NKD1: variants seen among roughly 807,000 people sequenced by gnomAD.
NKD1 encodes the protein NKD inhibitor of Wnt signaling pathway 1.
NKD1 carries 21 observed loss-of-function variants against 56.0 expected under a neutral mutation model. The ratio of observed to expected loss-of-function variants is 0.38; its 90% CI spans 0.27 to 0.54. The LOEUF (loss-of-function observed/expected upper bound fraction) is 0.54, where lower values mean the gene tolerates loss of function less well. Among genes scored for constraint, NKD1 ranks in the 20% least tolerant of loss-of-function variants. The pLI, the probability that NKD1 is intolerant of heterozygous loss-of-function variation, is 0.82. For missense variants in NKD1, 578 were observed against 642.7 expected (o/e 0.90, Z 1.09); for synonymous variants, 263 against 265.7 (o/e 0.99, Z 0.10).
intron 3 of NKD1, chr16:50,606,579 G>A (rs767716323): frequency 2.3e-5 from 8 of 350,318 alleles, no homozygotes; most frequent in Non-Finnish European, 4.6e-5. Flanking sequence ...GAGCACATGC[G>A]GTCATTGTCA....
At position 50,620,081 on chromosome 16, in the gene NKD1, G is replaced by A. The variant is rs192049960; in HGVS notation, c.260-1521G>A. On this transcript the variant is annotated intron_variant, in intron 4 of 9. Coordinates refer to ENST00000268459, the MANE Select transcript of NKD1 (RefSeq NM_033119.5). ...GGTAATCGTAATAACTGCCTCACAG[G>A]GCTTCATGAGGATGGACTTGGTAAA... 2.6e-3 allele frequency among the ~76,000 whole-genome samples: 400 copies of A among 152,374 alleles called. 3 individuals carry two copies. Among genetic ancestry groups the A allele is most frequent in the South Asian group, 6.0e-3 (29 of 4,834 alleles).
intron 3 of NKD1, among the ~76,000 whole-genome samples, chr16:50,584,953 C>T (rs998074290): frequency 1.3e-5 from 2 of 152,194 alleles, no homozygotes; most frequent in African/African-American, 4.8e-5. Flanking sequence ...AGATGTGGGC[C>T]TGGCTGCACG....
chr16:50,632,413 G>T lies in NKD1; in HGVS notation c.823+5G>T. 4 of 1,614,150 alleles carry T rather than the reference G, an allele frequency of 2.5e-6. No individual in the cohort carries two copies. The highest frequency in any genetic ancestry group is 3.4e-6 in the Non-Finnish European group (4 of 1,179,988). ...ACACGTCCCAATTTGGGCCTGGTAA[G>T]GGACTCAAGCACCCTGCAATGGGCG... On this transcript the variant is annotated splice_donor_5th_base_variant and intron_variant, in intron 9 of 9. Coordinates refer to ENST00000268459, the MANE Select transcript of NKD1 (RefSeq NM_033119.5). This position sits in a 1 kb window ranked among gnomAD's most constrained non-coding sequence, Gnocchi z 4.1.
intron 3 of NKD1, among the ~76,000 whole-genome samples, chr16:50,569,984 A>C (rs1337023244): frequency 6.6e-6 from 1 of 152,204 alleles, no homozygotes; most frequent in Non-Finnish European, 1.5e-5. Context: ...GTCGTGATGC[A>C]GCCACTGAAC....
chr16:50,645,201 T>C lies in NKD1; in HGVS notation c.*11420T>C, dbSNP rs1478979450. Reference sequence around the variant, plus strand: ...TCTACCTACCTTTGTGGAGCTTTAATCTAGTGTGGGGGACGGGGGGACTGC... The same window carrying C: ...TCTACCTACCTTTGTGGAGCTTTAACCTAGTGTGGGGGACGGGGGGACTGC... On this transcript the variant is annotated 3_prime_UTR_variant, in exon 10 of 10. Coordinates refer to ENST00000268459, the MANE Select transcript of NKD1 (RefSeq NM_033119.5). 6.6e-6 allele frequency: 1 copy of C among 152,234 alleles called. No homozygotes were observed. The highest frequency in any genetic ancestry group is 2.4e-5 in the African/African-American group (1 of 41,420). The allele number at this position is 152,234 out of a possible 1,614,324, so 9.4% of individuals were successfully genotyped here. A position where few individuals can be genotyped will look rare whatever the true frequency, so the allele number is the denominator to read the frequency against.
rs1180389762 is a variant in NKD1, at chr16:50,649,051, A to G, written c.*15270A>G. The G allele has an allele frequency of 6.6e-6, 1 of 152,186 alleles. No homozygotes were observed. The highest frequency in any genetic ancestry group is 1.9e-4 in the East Asian group (1 of 5,192). The allele number at this position is 152,186 out of a possible 1,614,324, so 9.4% of individuals were successfully genotyped here. The stretch of plus-strand genomic sequence containing the variant: ...CACTTTCACTTGCAGTCAAACCTGA[A>G]TTGTAAGTGAAATTGCTTTCCTGAT... On this transcript the variant is annotated 3_prime_UTR_variant, in exon 10 of 10. Transcript: ENST00000268459.
chr16:50,632,595 C>T lies in NKD1; in HGVS notation c.823+187C>T, dbSNP rs1466612149. The stretch of plus-strand genomic sequence containing the variant: ...TTTCAAAATTAAAGTAATACATGCA[C>T]GAAATCGAACAAAATCCAATAGTAT... On this transcript the variant is annotated intron_variant, in intron 9 of 9. Coordinates refer to ENST00000268459, the MANE Select transcript of NKD1 (RefSeq NM_033119.5). The surrounding 1 kb of genome is among the most constrained non-coding windows in gnomAD (Gnocchi z 4.1). Among the ~76,000 whole-genome samples the T allele has an allele frequency of 1.3e-5, 2 of 152,198 alleles. No individual in the cohort carries two copies. Among genetic ancestry groups the T allele is most frequent in the East Asian group, 1.9e-4 (1 of 5,196 alleles).
intron 8 of NKD1, among the ~76,000 whole-genome samples, chr16:50,631,287 T>C (rs1351053233): frequency 6.6e-6 from 1 of 152,176 alleles, no homozygotes. Context: ...CCACGTGGGT[T>C]ATGAAAACTC....
In NKD1 at chr16:50,646,036, T is replaced by C. The variant is rs1223351372; in HGVS notation, c.*12255T>C. 2 of 150,916 alleles carry C rather than the reference T, an allele frequency of 1.3e-5. No homozygotes were observed. Among genetic ancestry groups the C allele is most frequent in the Non-Finnish European group, 2.9e-5 (2 of 67,870 alleles). 9.3% of individuals were successfully genotyped at this position (150,916 alleles called of 1,614,324 possible). A position where few individuals can be genotyped will look rare whatever the true frequency, so the allele number is the denominator to read the frequency against. ...CCTATGTTCCCACTTTGTGCTTTGCTTCTAACAGACAGCCTGGGACCTTTG... is the reference window on the plus strand; with the variant it reads ...CCTATGTTCCCACTTTGTGCTTTGCCTCTAACAGACAGCCTGGGACCTTTG... On this transcript the variant is annotated 3_prime_UTR_variant, in exon 10 of 10. Transcript: ENST00000268459.
chr16:50,617,222 ACAGT>A (rs984200261), intron 4 of NKD1, among the ~76,000 whole-genome samples: 1 of 152,110 alleles, frequency 6.6e-6, no homozygotes, highest in African/African-American at 2.4e-5. Context: ...GTCTAGACCC[ACAGT>A]CAAAGTTGTC....
intron 3 of NKD1, among the ~76,000 whole-genome samples, chr16:50,588,637 C>G (rs1317199308): frequency 8.3e-6 from 1 of 120,402 alleles, no homozygotes; most frequent in Non-Finnish European, 1.6e-5. Flanking sequence ...GAGTCTTGCT[C>G]TGTTGCCCAG....
In NKD1 at chr16:50,620,236, G is replaced by C. The variant is rs372080566; in HGVS notation, c.260-1366G>C. 3.4e-4 allele frequency among the ~76,000 whole-genome samples: 52 copies of C among 152,400 alleles called. 1 individual carries two copies. The East Asian group carries it at 8.1e-3, about 24-fold the overall frequency. Reference sequence around the variant, plus strand: ...AGTTCGCAGGACCAGAGCAGAGCAGGAGAGCTGGGGCCCAGGCCCACTGGG... The same window carrying C: ...AGTTCGCAGGACCAGAGCAGAGCAGCAGAGCTGGGGCCCAGGCCCACTGGG... On this transcript the variant is annotated intron_variant, in intron 4 of 9. Transcript: ENST00000268459.
At chr16:50,608,480 G>T in intron 4 of NKD1, 120 bp downstream of exon 4, 1 of 709,492 alleles carries the variant, frequency 1.4e-6, no homozygotes, top group Non-Finnish European at 2.6e-6. Context: ...CAGGGACCTT[G>T]TGACTCTGGG....
At position 50,637,907 on chromosome 16, in the gene NKD1, C is replaced by G. The variant is rs569437607; in HGVS notation, c.*4126C>G. 1.1e-4 allele frequency: 16 copies of G among 152,298 alleles called. No individual in the cohort carries two copies. The East Asian group carries it at 2.7e-3, about 26-fold the overall frequency. 9.4% of individuals were successfully genotyped at this position (152,298 alleles called of 1,614,324 possible). On this transcript the variant is annotated 3_prime_UTR_variant, in exon 10 of 10. Transcript: ENST00000268459. ...ACTGGGTGTGTTTAAGGCAGACAGCCAGGTGAGGATCCCAGCTACTGGGGC... is the reference window on the plus strand; with the variant it reads ...ACTGGGTGTGTTTAAGGCAGACAGCGAGGTGAGGATCCCAGCTACTGGGGC...
intron 7 of NKD1, 151 bp from the exon 8 acceptor site, chr16:50,630,675 G>T: frequency 1.5e-6 from 1 of 648,312 alleles, no homozygotes; most frequent in Non-Finnish European, 2.6e-6. Flanking sequence ...ATGTGTCCAG[G>T]GCAGGTAGCC....
At chr16:50,579,007 C>T (rs2151268538) in intron 3 of NKD1, among the ~76,000 whole-genome samples, 1 of 152,296 alleles carries the variant, frequency 6.6e-6, no homozygotes, top group African/African-American at 2.4e-5. Flanking sequence ...GCTACACATG[C>T]ACTCTCTCAG....
intron 4 of NKD1, among the ~76,000 whole-genome samples, chr16:50,612,281 C>T (rs1229073263): frequency 6.6e-6 from 1 of 152,206 alleles, no homozygotes; most frequent in Non-Finnish European, 1.5e-5. Flanking sequence ...AGATGTTGGG[C>T]AAAGGAACTT....
rs1056691590 is a variant in NKD1 at position 50,633,538 on chromosome 16, C to T, written c.1170C>T (p.Leu390=). 1.9e-6 allele frequency: 3 copies of T among 1,611,016 alleles called. No homozygotes were observed. The highest frequency in any genetic ancestry group is 2.5e-6 in the Non-Finnish European group (3 of 1,179,202). Residue 390 remains leucine, a synonymous_variant, in exon 10 of 10, where the codon CTC becomes CTT. Transcript: ENST00000268459. The surrounding 1 kb of genome is among the most constrained non-coding windows in gnomAD (Gnocchi z 4.9). ...CCCACCTGGCTGCCAGCCCGGCCCTCCTCCCCTCCCTAGCCCCCCTCGGGC... is the reference window on the plus strand; with the variant it reads ...CCCACCTGGCTGCCAGCCCGGCCCTTCTCCCCTCCCTAGCCCCCCTCGGGC... ...PSAHLAASPA[L]LPSLAPLGHK...
intron 3 of NKD1, among the ~76,000 whole-genome samples, chr16:50,569,298 T>A (rs570811477): frequency 6.6e-6 from 1 of 152,344 alleles, no homozygotes; most frequent in South Asian, 2.1e-4. Flanking sequence ...CTTTTCCTGC[T>A]TCCAAGGTTC....
Sources: allele counts gnomAD v4.1 joint callset (sites outside exome capture counted in the v4.1 genomes callset), GRCh38; gene constraint gnomAD v4.1.1; non-coding constraint Gnocchi (gnomAD v3.1); transcripts MANE v1.5; gene names NCBI Gene and HGNC (gene_info 2026-07-23, HGNC 2026-07-21).